CENPW: variants seen among roughly 807,000 people sequenced by gnomAD.
CENPW encodes the protein centromere protein W, also known as cancer-up-regulated gene 2 protein.
A neutral mutation model predicts 11.1 loss-of-function variants in CENPW; 3 were observed. The ratio of observed to expected loss-of-function variants is 0.27; its 90% CI spans 0.12 to 0.70. The LOEUF (loss-of-function observed/expected upper bound fraction) is 0.70, where lower values mean the gene tolerates loss of function less well. CENPW is among the 30% of genes least tolerant of loss of function. CENPW has a pLI of 0.77. For synonymous variants in CENPW, 38 were observed against 42.0 expected (o/e 0.91, Z 0.37); for missense variants, 100 against 105.6 (o/e 0.95, Z 0.23).
chr6:126,354,382 C>T, the CENPW span, among the ~76,000 whole-genome samples: 1 of 152,110 alleles, frequency 6.6e-6, no homozygotes, highest in African/African-American at 2.4e-5. Flanking sequence ...TAATCTTTGA[C>T]ATGTGAGAAT....
chr6:126,434,448 A>AT, the CENPW span, among the ~76,000 whole-genome samples: 1 of 152,102 alleles, frequency 6.6e-6, no homozygotes, highest in Non-Finnish European at 1.5e-5. Context: ...ACATTTAATA[A>AT]TAAAAATCTA....
chr6:126,432,351 T>C, the CENPW span, among the ~76,000 whole-genome samples: 1 of 152,292 alleles, frequency 6.6e-6, no homozygotes, highest in South Asian at 2.1e-4. Flanking sequence ...GGGTATGGCT[T>C]ATATCCTGTA....
the CENPW span, among the ~76,000 whole-genome samples, chr6:126,389,658 C>CTGTGTGTG: frequency 2.3e-4 from 35 of 149,342 alleles, no homozygotes; most frequent in East Asian, 2.0e-3. Flanking sequence ...GACCTTTGCT[C>CTGTGTGTG]TGTGTGTGTG....
the CENPW span, among the ~76,000 whole-genome samples, chr6:126,425,514 T>C: frequency 6.6e-6 from 1 of 152,100 alleles, no homozygotes; most frequent in African/African-American, 2.4e-5. Context: ...TACTAATCAT[T>C]AAGGACCGTA....
chr6:126,375,002 G>T, the CENPW span, among the ~76,000 whole-genome samples: 1 of 152,152 alleles, frequency 6.6e-6, no homozygotes, highest in African/African-American at 2.4e-5. Flanking sequence ...CATTGCCCAA[G>T]TCATCTTTGC....
the CENPW span, among the ~76,000 whole-genome samples, chr6:126,432,910 G>A: frequency 6.6e-6 from 1 of 152,160 alleles, no homozygotes; most frequent in Non-Finnish European, 1.5e-5. Context: ...AGATAAGGAA[G>A]TATTTTTTTA....
intron 1 of CENPW, among the ~76,000 whole-genome samples, chr6:126,343,885 T>A (rs1334748776): frequency 2.6e-5 from 4 of 152,186 alleles, no homozygotes. Context: ...CCAGGAACAA[T>A]ACTTTTCATC....
chr6:126,450,371 C>A, the CENPW span, among the ~76,000 whole-genome samples: 1 of 150,874 alleles, frequency 6.6e-6, no homozygotes, highest in Non-Finnish European at 1.5e-5. Flanking sequence ...CATACCAAAT[C>A]TGGTGAGAAA....
At chr6:126,389,450 T>C in the CENPW span, among the ~76,000 whole-genome samples, 2 of 151,872 alleles carry the variant, frequency 1.3e-5, no homozygotes, top group Non-Finnish European at 2.9e-5. Flanking sequence ...CCTTCTCTAG[T>C]TATGTCCCTA....
downstream of CENPW, among the ~76,000 whole-genome samples, chr6:126,349,367 C>G (rs1780465014): frequency 6.6e-6 from 1 of 151,994 alleles, no homozygotes; most frequent in Non-Finnish European, 1.5e-5. Flanking sequence ...TTTGTTTAAC[C>G]ATTACTGTAA....
chr6:126,393,506 T>A, the CENPW span, among the ~76,000 whole-genome samples: 2 of 151,624 alleles, frequency 1.3e-5, no homozygotes, highest in African/African-American at 4.8e-5. Flanking sequence ...TTCAATAAAT[T>A]TTTCTATTTC....
At chr6:126,360,576 G>GT in the CENPW span, among the ~76,000 whole-genome samples, 1 of 151,770 alleles carries the variant, frequency 6.6e-6, no homozygotes, top group Non-Finnish European at 1.5e-5. Context: ...TGTAAGTTTG[G>GT]TATCTTTACA....
At chr6:126,378,522 A>T in the CENPW span, among the ~76,000 whole-genome samples, 5 of 151,982 alleles carry the variant, frequency 3.3e-5, no homozygotes, top group Non-Finnish European at 2.9e-5. Flanking sequence ...AATAAAAAAT[A>T]TACTGGTCGT....
At chr6:126,406,493 C>G in the CENPW span, among the ~76,000 whole-genome samples, 1 of 151,896 alleles carries the variant, frequency 6.6e-6, no homozygotes, top group Non-Finnish European at 1.5e-5. Flanking sequence ...CAGAAAGAGA[C>G]TGAAAAAATT....
the CENPW span, among the ~76,000 whole-genome samples, chr6:126,429,072 TTCTC>T: frequency 6.6e-6 from 1 of 152,176 alleles, no homozygotes; most frequent in Admixed American, 6.5e-5. Flanking sequence ...TTTAACCTGT[TTCTC>T]ATTATTAGAC....
At chr6:126,354,250 A>G in the CENPW span, among the ~76,000 whole-genome samples, 1 of 152,134 alleles carries the variant, frequency 6.6e-6, no homozygotes, top group South Asian at 2.1e-4. Flanking sequence ...TACTAATTTC[A>G]GGGCTTAGTT....
the CENPW span, among the ~76,000 whole-genome samples, chr6:126,464,014 A>G: frequency 3.3e-5 from 5 of 152,150 alleles, no homozygotes; most frequent in Non-Finnish European, 7.4e-5. Flanking sequence ...TTGTAAGAAA[A>G]AAAACTACAT....
At chr6:126,366,227 T>A in the CENPW span, among the ~76,000 whole-genome samples, 1 of 152,166 alleles carries the variant, frequency 6.6e-6, no homozygotes, top group Non-Finnish European at 1.5e-5. Flanking sequence ...ATTTTTTTTC[T>A]TTTCCAAAAT....
At chr6:126,423,055 G>A in the CENPW span, among the ~76,000 whole-genome samples, 2 of 152,022 alleles carry the variant, frequency 1.3e-5, no homozygotes, top group Admixed American at 6.6e-5. Flanking sequence ...TAATGATGAC[G>A]TATCATATTT....
Sources: gnomAD v4.1 joint callset for allele counts (sites outside exome capture counted in the v4.1 genomes callset) on GRCh38, gnomAD v4.1.1 for gene constraint, MANE v1.5 for transcripts, NCBI Gene and HGNC (gene_info 2026-07-23, HGNC 2026-07-21) for gene names.